The following TRAPPC12 variants were observed in gnomAD, a reference collection of about 807,000 sequenced individuals.
The protein encoded by TRAPPC12 is TPR repeat protein 15.
In TRAPPC12, 61 loss-of-function variants were observed where a neutral mutation model predicts 69.2. The observed-to-expected ratio is 0.88, with a 90% CI of 0.72 to 1.09. The LOEUF is 1.09. Ranked by LOEUF, TRAPPC12 falls within the 50% of genes least tolerant of loss-of-function variation. The pLI is 0.00. For synonymous variants in TRAPPC12, 469 were observed against 438.9 expected, an observed-to-expected ratio of 1.07 and a Z score of -0.86; for missense variants, 1,101 against 1,016.4, an observed-to-expected ratio of 1.08 and a Z score of -1.13.
At chr2:3,441,407 C>T (rs925749696) in intron 5 of TRAPPC12, among the ~76,000 whole-genome samples, 2 of 151,982 alleles carry the variant, frequency 1.3e-5, no homozygotes, top group Non-Finnish European at 2.9e-5. Context: ...CTTTACTATT[C>T]TTTTACTGTT....
At chr2:3,405,938 G>C (rs1305262624) in intron 3 of TRAPPC12, among the ~76,000 whole-genome samples, 1 of 152,174 alleles carries the variant, frequency 6.6e-6, no homozygotes, top group Admixed American at 6.5e-5. Flanking sequence ...CCATAGGGAA[G>C]CTGCTTGTAC....
rs749908453 is a variant in TRAPPC12, at chr2:3,388,536, C to G, written c.913C>G (p.Arg305Gly). 15 of 1,612,968 alleles carry G rather than the reference C, an allele frequency of 9.3e-6. No homozygotes were observed. The highest frequency in any genetic ancestry group is 4.5e-5 in the East Asian group (2 of 44,862). ...ATALSMSEMD[R>G]RNDAWLPGEA... ...CGCCCTGAGCATGAGCGAGATGGAC[C>G]GGAGGAACGACGCCTGGCTTCCCGG... Residue 305 changes from arginine (R) to glycine (G), a missense_variant, in exon 2 of 12, where the codon CGG (arginine) becomes GGG (glycine). Transcript: ENST00000324266.
intron 9 of TRAPPC12, among the ~76,000 whole-genome samples, chr2:3,476,263 T>C (rs994389498): frequency 6.6e-6 from 1 of 152,240 alleles, no homozygotes; most frequent in Non-Finnish European, 1.5e-5. Context: ...GTTTCCAAGC[T>C]GTGGAGTTAG....
chr2:3,408,181 G>A lies in TRAPPC12; in HGVS notation c.1164+6288G>A, dbSNP rs111543401. 7.7e-3 allele frequency among the ~76,000 whole-genome samples: 1,168 copies of A among 152,326 alleles called. 21 individuals are homozygous for A. The highest frequency in any genetic ancestry group is 0.026 in the African/African-American group (1,090 of 41,560). ...GCTTGACATGTGTGGCCAAGGAAAT[G>A]TCTACCGTGCCTCCAGTTGGAGGCT... On this transcript the variant is annotated intron_variant, in intron 3 of 11. Coordinates refer to ENST00000324266, the MANE Select transcript of TRAPPC12 (RefSeq NM_016030.6).
At chr2:3,472,313 G>A (rs1327529985) in intron 9 of TRAPPC12, 1 of 152,308 alleles carries the variant, frequency 6.6e-6, no homozygotes, top group Non-Finnish European at 1.5e-5. Flanking sequence ...GAGGGGTGCG[G>A]GCACCTTGAC....
chr2:3,397,697 A>G (rs1323568296), intron 2 of TRAPPC12, among the ~76,000 whole-genome samples: 1 of 152,248 alleles, frequency 6.6e-6, no homozygotes, highest in Non-Finnish European at 1.5e-5. Context: ...AATAAACCAC[A>G]AAGGATTATG....
rs1461391108 is a variant in TRAPPC12, at chr2:3,413,142, T to C, written c.1165-8739T>C. Among the ~76,000 whole-genome samples the C allele has an allele frequency of 2.0e-5, 3 of 152,364 alleles. No individual in the cohort carries two copies. The East Asian group carries it at 5.8e-4, about 29-fold the overall frequency. Reference sequence around the variant, plus strand: ...TCTCTTCTTAACTGTTTATAACTTTTGTTCATAAAAACTGGCAGTTTCCTT... The same window carrying C: ...TCTCTTCTTAACTGTTTATAACTTTCGTTCATAAAAACTGGCAGTTTCCTT... On this transcript the variant is annotated intron_variant, in intron 3 of 11. Transcript: ENST00000324266.
chr2:3,425,655 T>C (rs1333539673), intron 5 of TRAPPC12, among the ~76,000 whole-genome samples: 1 of 152,184 alleles, frequency 6.6e-6, no homozygotes, highest in Non-Finnish European at 1.5e-5. Context: ...CACTGCCGCA[T>C]TTTGCAGGCT....
chr2:3,395,685 C>G (rs995220849), intron 2 of TRAPPC12, among the ~76,000 whole-genome samples: 6 of 151,278 alleles, frequency 4.0e-5, no homozygotes, highest in African/African-American at 1.5e-4. Flanking sequence ...GCCTCACCCT[C>G]CAGAGTAGCT....
intron 3 of TRAPPC12, among the ~76,000 whole-genome samples, chr2:3,406,726 G>A (rs1336194756): frequency 6.6e-6 from 1 of 152,222 alleles, no homozygotes; most frequent in African/African-American, 2.4e-5. Context: ...CTGCTGTGAT[G>A]TATCCTCTTG....
intron 2 of TRAPPC12, among the ~76,000 whole-genome samples, chr2:3,399,026 T>C (rs1661275594): frequency 6.6e-6 from 1 of 152,132 alleles, no homozygotes; most frequent in Admixed American, 6.5e-5. Context: ...CGTCTCCACC[T>C]CCCTGCGCTG....
chr2:3,469,402 G>A (rs181574453), intron 9 of TRAPPC12, among the ~76,000 whole-genome samples: 1 of 152,322 alleles, frequency 6.6e-6, no homozygotes, highest in African/African-American at 2.4e-5. Flanking sequence ...TAATACTGCA[G>A]GTGCTTAGAA....
chr2:3,465,818 A>G lies in TRAPPC12; in HGVS notation c.1776+123A>G, dbSNP rs187764823. 2,493 of 733,988 alleles carry G rather than the reference A, an allele frequency of 3.4e-3. 8 individuals are homozygous for G. The highest frequency in any genetic ancestry group is 5.2e-3 in the Non-Finnish European group (2,186 of 420,034). The allele number at this position is 733,988 out of a possible 1,614,324, so 45.5% of individuals were successfully genotyped here. On this transcript the variant is annotated intron_variant, in intron 9 of 11. Coordinates refer to ENST00000324266, the MANE Select transcript of TRAPPC12 (RefSeq NM_016030.6). ...GACTGCAGAAAATATTCCAATTCAA[A>G]TGTATGTGACCATGAAAAGGGTGGG...
intron 9 of TRAPPC12, among the ~76,000 whole-genome samples, chr2:3,476,813 G>A (rs138588608): frequency 2.6e-5 from 4 of 152,296 alleles, no homozygotes; most frequent in African/African-American, 4.8e-5. Flanking sequence ...GTTTCTCATC[G>A]AGACAGAGGA....
At chr2:3,422,066 C>A in intron 4 of TRAPPC12, 72 bp downstream of exon 4, 4 of 1,134,744 alleles carry the variant, frequency 3.5e-6, no homozygotes, top group Non-Finnish European at 3.9e-6. Context: ...AGGACCATGG[C>A]CTTTCATGCC....
At chr2:3,478,673 T>C (rs1283664572) in intron 10 of TRAPPC12, 173 bp from the exon 11 acceptor site, 2 of 596,014 alleles carry the variant, frequency 3.4e-6, no homozygotes, top group South Asian at 2.1e-5. Context: ...GGCTTTAATG[T>C]GCGAGCCTGA....
intron 3 of TRAPPC12, among the ~76,000 whole-genome samples, chr2:3,419,464 C>T (rs1257563063): frequency 1.3e-5 from 2 of 152,110 alleles, no homozygotes; most frequent in Admixed American, 6.5e-5. Flanking sequence ...AACTGTCAAC[C>T]AGAACACAGA....
chr2:3,454,726 C>G (rs1665043131), intron 6 of TRAPPC12: 1 of 152,476 alleles, frequency 6.6e-6, no homozygotes, highest in Admixed American at 6.5e-5. Context: ...ACCTCATTCC[C>G]CCTTCTCCCC....
At chr2:3,392,856 G>A (rs1572088359) in intron 2 of TRAPPC12, among the ~76,000 whole-genome samples, 1 of 152,322 alleles carries the variant, frequency 6.6e-6, no homozygotes, top group East Asian at 1.9e-4. Context: ...AATTGAAATC[G>A]GGATCTCAGA....
Sources: gnomAD v4.1 joint callset for allele counts (sites outside exome capture counted in the v4.1 genomes callset) on GRCh38, gnomAD v4.1.1 for gene constraint, MANE v1.5 for transcripts, NCBI Gene and HGNC (gene_info 2026-07-23, HGNC 2026-07-21) for gene names.